The following SLC35F1 variants were observed in gnomAD, a reference collection of about 807,000 sequenced individuals.
The protein encoded by SLC35F1 is solute carrier family 35 member F1.
SLC35F1 carries 14 observed loss-of-function variants against 48.7 expected under a neutral mutation model. The ratio of observed to expected loss-of-function variants is 0.29; its 90% CI spans 0.19 to 0.45. SLC35F1 has a LOEUF of 0.45. Among genes scored for constraint, SLC35F1 ranks in the 20% least tolerant of loss-of-function variants. SLC35F1 has a pLI of 1.00. For synonymous variants in SLC35F1, 190 were observed against 202.2 expected, an observed-to-expected ratio of 0.94 and a Z score of 0.51; for missense variants, 404 against 500.0, an observed-to-expected ratio of 0.81 and a Z score of 1.83.
chr6:118,035,833 C>T (rs558680959), intron 1 of SLC35F1, among the ~76,000 whole-genome samples: 128 of 3,964 alleles, frequency 0.032, no homozygotes, highest in African/African-American at 0.057. Flanking sequence ...GGACTACAGG[C>T]GCCCCCCCAA....
chr6:117,957,593 G>A (rs1011455076), intron 1 of SLC35F1, among the ~76,000 whole-genome samples: 1 of 152,184 alleles, frequency 6.6e-6, no homozygotes, highest in Non-Finnish European at 1.5e-5. Flanking sequence ...GGTACTGGCT[G>A]TTAAGATATA....
At chr6:118,276,175 G>C (rs899224436) in intron 5 of SLC35F1, among the ~76,000 whole-genome samples, 5 of 152,182 alleles carry the variant, frequency 3.3e-5, no homozygotes, top group African/African-American at 1.2e-4. Context: ...AAAAGCACCA[G>C]TTTTGCAATA....
At chr6:118,128,578 G>A (rs924697612) in intron 1 of SLC35F1, among the ~76,000 whole-genome samples, 7 of 151,762 alleles carry the variant, frequency 4.6e-5, no homozygotes, top group East Asian at 1.9e-4. Flanking sequence ...ACCAAACACC[G>A]CATGTTCTCA....
At chr6:118,057,860 A>G (rs1211674391) in intron 1 of SLC35F1, among the ~76,000 whole-genome samples, 1 of 152,188 alleles carries the variant, frequency 6.6e-6, no homozygotes, top group Non-Finnish European at 1.5e-5. Context: ...TGTTGTGTAG[A>G]GACAGAAGGC....
intron 1 of SLC35F1, among the ~76,000 whole-genome samples, chr6:118,119,119 A>C (rs1773516602): frequency 6.6e-6 from 1 of 152,148 alleles, no homozygotes; most frequent in Non-Finnish European, 1.5e-5. Context: ...AAAGTAAGAT[A>C]AGTATTGCTC....
At chr6:118,278,054 G>A (rs1319442721) in intron 6 of SLC35F1, among the ~76,000 whole-genome samples, 1 of 152,182 alleles carries the variant, frequency 6.6e-6, no homozygotes, top group Admixed American at 6.5e-5. Context: ...GTCTCCAAAT[G>A]GATTTAGAAA....
intron 2 of SLC35F1, among the ~76,000 whole-genome samples, chr6:118,206,473 G>C (rs1201421651): frequency 3.3e-5 from 5 of 152,098 alleles, no homozygotes; most frequent in African/African-American, 1.2e-4. Context: ...GCACCCAAAG[G>C]CAAAATTTTC....
chr6:118,073,695 A>AT lies in SLC35F1; in HGVS notation c.174-80744dup, dbSNP rs200652332. On this transcript the variant is annotated intron_variant, in intron 1 of 7. Coordinates refer to ENST00000360388, the MANE Select transcript of SLC35F1 (RefSeq NM_001029858.4). ...TAACATGATTGAACAGATACATGTT[A>AT]TTTTTTATATCAATATTTGAAAAAA... Among the ~76,000 whole-genome samples the AT allele has an allele frequency of 8.0e-3, 1,224 of 152,302 alleles. 7 individuals are homozygous for AT. The highest frequency in any genetic ancestry group is 0.013 in the Non-Finnish European group (883 of 68,010).
chr6:118,225,273 G>A (rs1358642361), intron 2 of SLC35F1, among the ~76,000 whole-genome samples: 2 of 152,102 alleles, frequency 1.3e-5, no homozygotes, highest in African/African-American at 2.4e-5. Context: ...AATCAGCATG[G>A]TACTGGCATA....
intron 2 of SLC35F1, among the ~76,000 whole-genome samples, chr6:118,221,894 T>C (rs1775156270): frequency 6.6e-6 from 1 of 152,204 alleles, no homozygotes; most frequent in Non-Finnish European, 1.5e-5. Flanking sequence ...CATGATCACA[T>C]GTAAAATTAA....
At chr6:118,187,056 T>C (rs1038754107) in intron 2 of SLC35F1, among the ~76,000 whole-genome samples, 3 of 152,350 alleles carry the variant, frequency 2.0e-5, no homozygotes, top group Admixed American at 2.0e-4. Context: ...GGACCTTTAT[T>C]CTGGAGAGAT....
intron 1 of SLC35F1, among the ~76,000 whole-genome samples, chr6:118,104,633 A>G (rs1311667737): frequency 6.6e-6 from 1 of 152,154 alleles, no homozygotes; most frequent in Non-Finnish European, 1.5e-5. Context: ...TGTGGCCCCT[A>G]ATGTGATTTT....
At chr6:118,117,298 G>A (rs1027641884) in intron 1 of SLC35F1, among the ~76,000 whole-genome samples, 1 of 152,178 alleles carries the variant, frequency 6.6e-6, no homozygotes, top group Non-Finnish European at 1.5e-5. Flanking sequence ...ATTTTCCTAA[G>A]TGAAGGAATA....
At chr6:118,129,635 T>C (rs764126134) in intron 1 of SLC35F1, among the ~76,000 whole-genome samples, 8 of 151,990 alleles carry the variant, frequency 5.3e-5, no homozygotes, top group East Asian at 1.9e-4. Flanking sequence ...AGGGATGTTA[T>C]GGAAATTGAA....
At chr6:118,138,357 A>G (rs1773829250) in intron 1 of SLC35F1, among the ~76,000 whole-genome samples, 1 of 152,166 alleles carries the variant, frequency 6.6e-6, no homozygotes, top group Admixed American at 6.5e-5. Flanking sequence ...ACAGGAGGAA[A>G]ATCACATAAC....
intron 1 of SLC35F1, among the ~76,000 whole-genome samples, chr6:117,930,259 G>T (rs915177913): frequency 6.6e-6 from 1 of 152,130 alleles, no homozygotes; most frequent in East Asian, 1.9e-4. Flanking sequence ...ATGTTGTCTG[G>T]ACTCTACATT....
At chr6:117,968,550 A>G (rs1776599996) in intron 1 of SLC35F1, among the ~76,000 whole-genome samples, 1 of 152,192 alleles carries the variant, frequency 6.6e-6, no homozygotes, top group African/African-American at 2.4e-5. Flanking sequence ...TTTTTATACA[A>G]ATTGTGCATT....
chr6:117,926,345 C>T (rs1255148048), intron 1 of SLC35F1, among the ~76,000 whole-genome samples: 2 of 152,160 alleles, frequency 1.3e-5, no homozygotes, highest in Non-Finnish European at 2.9e-5. Context: ...CTGAGACCTC[C>T]TCAGCCATGG....
intron 1 of SLC35F1, among the ~76,000 whole-genome samples, chr6:117,962,019 T>A (rs987967496): frequency 2.6e-5 from 4 of 152,242 alleles, no homozygotes; most frequent in Non-Finnish European, 5.9e-5. Context: ...CTGTGTCTGA[T>A]GATACTATTG....
Sources: allele counts gnomAD v4.1 joint callset (sites outside exome capture counted in the v4.1 genomes callset), GRCh38; gene constraint gnomAD v4.1.1; transcripts MANE v1.5; gene names NCBI Gene and HGNC (gene_info 2026-07-23, HGNC 2026-07-21).